INPP5A: variants seen among roughly 807,000 people sequenced by gnomAD.
The protein encoded by INPP5A is inositol polyphosphate-5-phosphatase A.
In INPP5A, 14 loss-of-function variants were observed where a neutral mutation model predicts 65.2. The ratio of observed to expected loss-of-function variants is 0.21; its 90% confidence interval spans 0.14 to 0.34. The LOEUF (loss-of-function observed/expected upper bound fraction) is 0.34, where lower values mean the gene tolerates loss of function less well. Ranked by LOEUF, INPP5A falls within the 10% of genes least tolerant of loss-of-function variation. The probability of loss-of-function intolerance (pLI) is 1.00; values close to 1 mark genes in which losing one functional copy is unlikely to be tolerated. For synonymous variants in INPP5A, 207 were observed against 208.3 expected, an observed-to-expected ratio of 0.99 and a Z score of 0.05; for missense variants, 431 against 545.6, an observed-to-expected ratio of 0.79 and a Z score of 2.09.
intron 8 of INPP5A, among the ~76,000 whole-genome samples, chr10:132,718,422 G>A (rs937864996): frequency 3.3e-5 from 5 of 150,020 alleles, no homozygotes; most frequent in Non-Finnish European, 7.4e-5. Context: ...GGGTTCTGTG[G>A]TACCTGGGTT....
chr10:132,567,011 CAG>C (rs1263035247), intron 1 of INPP5A, among the ~76,000 whole-genome samples: 1 of 152,210 alleles, frequency 6.6e-6, no homozygotes, highest in African/African-American at 2.4e-5. Context: ...TCAGGAGGCA[CAG>C]GGTATTAGTC....
At chr10:132,606,080 C>T (rs975586450) in intron 1 of INPP5A, among the ~76,000 whole-genome samples, 7 of 151,990 alleles carry the variant, frequency 4.6e-5, no homozygotes, top group African/African-American at 7.3e-5. Flanking sequence ...TCCAGGTGTC[C>T]GCTGTCACAT....
chr10:132,723,616 CGTGTGGGG>C lies in INPP5A; in HGVS notation c.648-3204_648-3197del, dbSNP rs1269624277. On this transcript the variant is annotated intron_variant, in intron 8 of 15. Transcript: ENST00000368594. ...GGGGATTGGTTTTGTGGGGATTGGC[CGTGTGGGG>C]ATTGGTTTTGTGGGGATTGGCCATG... Among the ~76,000 whole-genome samples, 621 of 135,690 alleles carry C rather than the reference CGTGTGGGG, an allele frequency of 4.6e-3. 6 individuals are homozygous for C. The highest frequency in any genetic ancestry group is 6.1e-3 in the Non-Finnish European group (391 of 63,956). The allele number at this position is 135,690 out of a possible 152,430, so 89.0% of individuals were successfully genotyped here.
At chr10:132,655,492 C>T (rs567760508) in intron 4 of INPP5A, among the ~76,000 whole-genome samples, 48 of 152,342 alleles carry the variant, frequency 3.2e-4, no homozygotes, top group South Asian at 1.2e-3. Context: ...CTGCCGGGCA[C>T]GCAGGGAGCT....
At chr10:132,686,675 A>G (rs1845135576) in intron 4 of INPP5A, among the ~76,000 whole-genome samples, 1 of 152,228 alleles carries the variant, frequency 6.6e-6, no homozygotes. Flanking sequence ...TTTATTTTTC[A>G]CTTATTTATT....
chr10:132,604,760 C>T (rs1409017379), intron 1 of INPP5A, among the ~76,000 whole-genome samples: 1 of 152,162 alleles, frequency 6.6e-6, no homozygotes, highest in African/African-American at 2.4e-5. Flanking sequence ...TCTGGGGAAG[C>T]TCAGTGACCC....
At chr10:132,577,336 A>G (rs193100031) in intron 1 of INPP5A, among the ~76,000 whole-genome samples, 101 of 152,316 alleles carry the variant, frequency 6.6e-4, no homozygotes, top group Non-Finnish European at 1.2e-3. Context: ...CCTAGTTGGT[A>G]TCTGAGTTAA....
rs1476372534 is a variant in INPP5A, at chr10:132,706,638, C to T, written c.475-1675C>T. 1.3e-5 allele frequency among the ~76,000 whole-genome samples: 2 copies of T among 152,130 alleles called. No homozygotes were observed. Among genetic ancestry groups the T allele is most frequent in the Non-Finnish European group, 2.9e-5 (2 of 68,030 alleles). ...GTGTGTGGGGCTTGGAATTTCCCTT[C>T]TTGAGCATGAGTGGGAGCACTTAGG... On this transcript the variant is annotated intron_variant, in intron 6 of 15. Transcript: ENST00000368594. The surrounding 1 kb of genome is among the most constrained non-coding windows in gnomAD (Gnocchi z 4.7).
intron 1 of INPP5A, among the ~76,000 whole-genome samples, chr10:132,572,322 C>T (rs2071354083): frequency 6.6e-6 from 1 of 151,574 alleles, no homozygotes; most frequent in Non-Finnish European, 1.5e-5. Context: ...CAAGATGCCC[C>T]TGGTGTGGGG....
rs1038841470 is a variant in INPP5A, at chr10:132,749,714, G to A, written c.829-57G>A. 8.1e-6 allele frequency: 13 copies of A among 1,598,470 alleles called. No individual in the cohort carries two copies. In the African/African-American group the frequency reaches 1.5e-4, roughly 18 times the overall value. On this transcript the variant is annotated intron_variant, in intron 10 of 15. Transcript: ENST00000368594. ...GCCTGCCCGGTTCGGTGGGGGCTAGGGGACACGCACAAGGCTGGGGGAGCT... is the reference window on the plus strand; with the variant it reads ...GCCTGCCCGGTTCGGTGGGGGCTAGAGGACACGCACAAGGCTGGGGGAGCT...
chr10:132,741,767 GT>G lies in INPP5A; in HGVS notation c.733-7749del. 3.4e-5 allele frequency among the ~76,000 whole-genome samples: 2 copies of G among 59,138 alleles called. No individual in the cohort carries two copies. Among genetic ancestry groups the G allele is most frequent in the East Asian group, 2.9e-3 (2 of 688 alleles). 38.8% of individuals were successfully genotyped at this position (59,138 alleles called of 152,430 possible). A position where few individuals can be genotyped will look rare whatever the true frequency, so the allele number is the denominator to read the frequency against. ...ATAGCCGACGTAAACTGAGGTGGAC[GT>G]CAGTGTCCGCGTCCGCTTGCTTTAC... is the stretch of plus-strand genomic sequence containing the variant. On this transcript the variant is annotated intron_variant, in intron 9 of 15. Coordinates refer to ENST00000368594, the MANE Select transcript of INPP5A (RefSeq NM_005539.5). This position sits in a 1 kb window ranked among gnomAD's most constrained non-coding sequence, Gnocchi z 4.4.
In INPP5A at chr10:132,589,614, T is replaced by C. The variant is rs567901714; in HGVS notation, c.76-18301T>C. On this transcript the variant is annotated intron_variant, in intron 1 of 15. Transcript: ENST00000368594. Reference sequence around the variant, plus strand: ...TTCTTGCCGGTGTGCACTGCACAGCTTGTGGGTCTTGTGTGTCCCAGAACC... The same window carrying C: ...TTCTTGCCGGTGTGCACTGCACAGCCTGTGGGTCTTGTGTGTCCCAGAACC... Among the ~76,000 whole-genome samples the C allele has an allele frequency of 3.3e-5, 5 of 152,366 alleles. No homozygotes were observed. In the South Asian group the frequency reaches 1.0e-3, roughly 32 times the overall value.
intron 2 of INPP5A, among the ~76,000 whole-genome samples, chr10:132,610,225 G>A (rs1381054882): frequency 6.6e-6 from 1 of 152,228 alleles, no homozygotes; most frequent in Non-Finnish European, 1.5e-5. Context: ...CCCCACCTGT[G>A]AGGGACCGGA....
intron 11 of INPP5A, among the ~76,000 whole-genome samples, chr10:132,755,222 T>C (rs1846574512): frequency 6.8e-6 from 1 of 147,874 alleles, no homozygotes; most frequent in Admixed American, 6.7e-5. Flanking sequence ...TGTGCATGTG[T>C]GAGCAGGCGT....
chr10:132,709,364 G>A (rs1367618945), intron 7 of INPP5A, among the ~76,000 whole-genome samples: 1 of 133,148 alleles, frequency 7.5e-6, no homozygotes, highest in Non-Finnish European at 1.6e-5. Context: ...AAGGGTAGGA[G>A]AGGAGAATGG....
chr10:132,712,156 C>T (rs1424941861), intron 8 of INPP5A, among the ~76,000 whole-genome samples: 1 of 152,246 alleles, frequency 6.6e-6, no homozygotes. Flanking sequence ...CAGGTCCCTG[C>T]CTCCTAATAG....
intron 12 of INPP5A, among the ~76,000 whole-genome samples, chr10:132,773,448 G>C (rs1233476762): frequency 6.6e-6 from 1 of 152,342 alleles, no homozygotes; most frequent in East Asian, 1.9e-4. Flanking sequence ...CTCTTTAATG[G>C]ACACATATAT....
chr10:132,540,268 A>G (rs771115933), intron 1 of INPP5A, among the ~76,000 whole-genome samples: 15 of 151,522 alleles, frequency 9.9e-5, no homozygotes, highest in Non-Finnish European at 1.5e-4. Context: ...TCAATTGTAT[A>G]CACGTATTTA....
intron 1 of INPP5A, among the ~76,000 whole-genome samples, chr10:132,573,527 G>A (rs2071376905): frequency 1.5e-5 from 2 of 130,972 alleles, no homozygotes; most frequent in Non-Finnish European, 3.1e-5. Flanking sequence ...TGCTGTGTGA[G>A]GTTTTGTTGA....
Sources: gnomAD v4.1 joint callset for allele counts (sites outside exome capture counted in the v4.1 genomes callset) on GRCh38, gnomAD v4.1.1 for gene constraint, Gnocchi (gnomAD v3.1) non-coding constraint, MANE v1.5 for transcripts, NCBI Gene and HGNC (gene_info 2026-07-23, HGNC 2026-07-21) for gene names.